PARD3: variants seen among roughly 807,000 people sequenced by gnomAD.
The protein encoded by PARD3 is partitioning defective 3 homolog.
Under a neutral mutation model 155.4 loss-of-function variants are expected in PARD3, and 75 were observed. The observed-to-expected ratio is 0.48, with a 90% CI of 0.40 to 0.58. The LOEUF (loss-of-function observed/expected upper bound fraction) is 0.58. PARD3 is among the 20% of genes least tolerant of loss of function. The pLI is 0.00. For synonymous variants in PARD3, 576 were observed against 610.5 expected (o/e 0.94, Z 0.83); for missense variants, 1,642 against 1,721.7 (o/e 0.95, Z 0.82).
At chr10:34,654,866 C>T (rs751779750) in intron 2 of PARD3, among the ~76,000 whole-genome samples, 5 of 152,154 alleles carry the variant, frequency 3.3e-5, no homozygotes, top group Admixed American at 6.5e-5. Flanking sequence ...GCCATCGCTC[C>T]GTGACTGCAC....
intron 22 of PARD3, among the ~76,000 whole-genome samples, chr10:34,169,965 C>T (rs982428248): frequency 4.6e-5 from 7 of 152,240 alleles, no homozygotes; most frequent in Non-Finnish European, 1.0e-4. Context: ...GGCTCAGCTT[C>T]TGTGTGACAT....
chr10:34,598,659 G>C (rs1255284837), intron 2 of PARD3, among the ~76,000 whole-genome samples: 5 of 152,158 alleles, frequency 3.3e-5, no homozygotes, highest in Non-Finnish European at 7.3e-5. Context: ...AGTAAATGGG[G>C]TTGCACCCCA....
intron 22 of PARD3, among the ~76,000 whole-genome samples, chr10:34,145,214 T>C (rs1156943500): frequency 1.2e-5 from 1 of 80,048 alleles, no homozygotes; most frequent in African/African-American, 6.0e-5. Flanking sequence ...TATATATATA[T>C]ATATATATTT....
chr10:34,375,415 G>A, intron 10 of PARD3, among the ~76,000 whole-genome samples: 1 of 151,954 alleles, frequency 6.6e-6, no homozygotes, highest in East Asian at 1.9e-4. Context: ...CTTATAAAGG[G>A]TAATAAAAAC....
At chr10:34,149,127 T>C (rs1327382530) in intron 22 of PARD3, among the ~76,000 whole-genome samples, 2 of 152,148 alleles carry the variant, frequency 1.3e-5, no homozygotes, top group Non-Finnish European at 2.9e-5. Context: ...TGGTATGTAT[T>C]AAAATTAGCA....
rs1394173767 is a variant in PARD3 at position 34,382,778 on chromosome 10, C to T, written c.1161G>A (p.Gln387=). 6.2e-7 allele frequency: 1 copy of T among 1,614,190 alleles called. No homozygotes were observed. The highest frequency in any genetic ancestry group is 8.5e-7 in the Non-Finnish European group (1 of 1,180,032). The part of the protein sequence containing the change: ...YYSSRFSPDS[Q]YIDNRSVNSA... ...TGTTCACACTCCTGTTGTCAATATA[C>T]TGGCTGTCAGGGCTAAAACGGCTTG... is the stretch of plus-strand genomic sequence containing the variant. The change falls in exon 9 of 25, where the codon CAG becomes CAA. Residue 387 remains glutamine (Q), a synonymous_variant. Transcript: ENST00000374788.
intron 2 of PARD3, among the ~76,000 whole-genome samples, chr10:34,624,613 G>A (rs928333044): frequency 6.6e-6 from 1 of 152,230 alleles, no homozygotes; most frequent in African/African-American, 2.4e-5. Context: ...ACCAGGAGGA[G>A]GACAGGCCTT....
At chr10:34,400,224 G>A (rs926589573) in intron 6 of PARD3, among the ~76,000 whole-genome samples, 1 of 152,082 alleles carries the variant, frequency 6.6e-6, no homozygotes, top group Non-Finnish European at 1.5e-5. Context: ...CAATCTTTTC[G>A]CCCCAGTATT....
intron 3 of PARD3, among the ~76,000 whole-genome samples, chr10:34,508,666 A>T (rs1009366344): frequency 6.6e-6 from 1 of 152,338 alleles, no homozygotes; most frequent in Admixed American, 6.5e-5. Flanking sequence ...GTTAATATTG[A>T]AAATAAAGAC....
Position 34,359,233 on chromosome 10 carries a change from T to C in PARD3, c.1981A>G (p.Thr661Ala). 2 of 1,613,712 alleles carry C rather than the reference T, an allele frequency of 1.2e-6. No individual in the cohort carries two copies. Among genetic ancestry groups the C allele is most frequent in the Non-Finnish European group, 1.7e-6 (2 of 1,179,642 alleles). ...TCAGTAGACATAGACCTTCTTAGGG[T>C]TTCCATGGCATCTTGGTTTGTCTTG... is the stretch of plus-strand genomic sequence containing the variant. Reference protein sequence around the residue: ...LGKTNQDAMETLRRSMSTEGN... With the variant: ...LGKTNQDAMEALRRSMSTEGN... The change falls in exon 14 of 25, where the codon ACC becomes GCC. Residue 661 changes from threonine to alanine, a missense_variant. Thr to Ala is a moderately conservative substitution (Grantham distance 58). Around this residue, in one of 3 missense-constraint regions of PARD3, gnomAD observed 1,529 missense variants for 1,587.3 expected, o/e 0.96. Transcript: ENST00000374788.
rs544686796 is a variant in PARD3 at position 34,110,813 on chromosome 10, C to T, written c.*356G>A. On this transcript the variant is annotated 3_prime_UTR_variant, in exon 25 of 25. Transcript: ENST00000374788. ...GGGAGAAACAGGGCCGCACGTCATC[C>T]TCCACTTCAGGTGAATTTGTCACTG... 5.7e-6 allele frequency: 1 copy of T among 174,474 alleles called. No individual in the cohort carries two copies. Among genetic ancestry groups the T allele is most frequent in the Admixed American group, 6.1e-5 (1 of 16,466 alleles). The allele number at this position is 174,474 out of a possible 1,614,324, so 10.8% of individuals were successfully genotyped here.
intron 1 of PARD3, among the ~76,000 whole-genome samples, chr10:34,788,088 G>A (rs544020263): frequency 1.2e-4 from 18 of 151,892 alleles, no homozygotes; most frequent in African/African-American, 4.3e-4. Context: ...CCCAGCCCCA[G>A]CATGCATTTA....
chr10:34,352,902 G>C (rs562692061), intron 14 of PARD3, among the ~76,000 whole-genome samples: 1 of 152,040 alleles, frequency 6.6e-6, no homozygotes, highest in East Asian at 1.9e-4. Context: ...GAAGTGAGGA[G>C]CGTCTCTGCC....
intron 1 of PARD3, among the ~76,000 whole-genome samples, chr10:34,793,541 C>A (rs1226464268): frequency 6.6e-6 from 1 of 152,198 alleles, no homozygotes; most frequent in Non-Finnish European, 1.5e-5. Flanking sequence ...AATCCCGGCA[C>A]TTTGGGAGGC....
At chr10:34,141,029 T>C (rs2132863173) in intron 22 of PARD3, among the ~76,000 whole-genome samples, 1 of 152,358 alleles carries the variant, frequency 6.6e-6, no homozygotes, top group East Asian at 1.9e-4. Context: ...TATCTTGTTA[T>C]AGTCTTTGCA....
At chr10:34,798,420 A>G (rs1205593723) in intron 1 of PARD3, among the ~76,000 whole-genome samples, 1 of 151,820 alleles carries the variant, frequency 6.6e-6, no homozygotes, top group African/African-American at 2.4e-5. Context: ...GAAAAAAAAA[A>G]CATGCCGGGC....
In PARD3 at chr10:34,111,048, T is replaced by C. The variant is rs540215615; in HGVS notation, c.*121A>G. ...CTTTGCCTACACCGCTTAAAGGCACTGATACCAACAACAGAAATACTCCAT... is the reference window on the plus strand; with the variant it reads ...CTTTGCCTACACCGCTTAAAGGCACCGATACCAACAACAGAAATACTCCAT... On this transcript the variant is annotated 3_prime_UTR_variant, in exon 25 of 25. Transcript: ENST00000374788. 2 of 1,123,904 alleles carry C rather than the reference T, an allele frequency of 1.8e-6. No homozygotes were observed. The highest frequency in any genetic ancestry group is 1.8e-5 in the South Asian group (1 of 56,544). The allele number at this position is 1,123,904 out of a possible 1,614,324, so 69.6% of individuals were successfully genotyped here.
intron 1 of PARD3, among the ~76,000 whole-genome samples, chr10:34,766,157 T>C (rs1162927941): frequency 6.6e-6 from 1 of 152,236 alleles, no homozygotes; most frequent in Non-Finnish European, 1.5e-5. Flanking sequence ...ACGTTGTACT[T>C]GCATCAGAAT....
intron 5 of PARD3, among the ~76,000 whole-genome samples, chr10:34,423,563 G>A (rs962079514): frequency 1.3e-5 from 2 of 151,936 alleles, no homozygotes; most frequent in South Asian, 2.1e-4. Flanking sequence ...AAATCAAGTC[G>A]TGCACAATAT....
Sources: allele counts gnomAD v4.1 joint callset (sites outside exome capture counted in the v4.1 genomes callset), GRCh38; gene constraint gnomAD v4.1.1; regional missense constraint gnomAD v4.1.1; transcripts MANE v1.5; gene names NCBI Gene and HGNC (gene_info 2026-07-23, HGNC 2026-07-21).